Variants in SNX29 observed in about 807,000 individuals in gnomAD.
The protein encoded by SNX29 is sorting nexin-29.
In SNX29, 78 loss-of-function variants were observed where a neutral mutation model predicts 102.1. That is an observed-to-expected ratio of 0.76 (90% CI 0.64 to 0.92). The LOEUF (loss-of-function observed/expected upper bound fraction) is 0.92. SNX29 is among the 40% of genes least tolerant of loss of function. The pLI is 0.00. For synonymous variants in SNX29, 580 were observed against 414.5 expected (o/e 1.40, Z -4.85); for missense variants, 1,280 against 1,061.7 (o/e 1.21, Z -2.86).
At chr16:12,513,871 G>A (rs1452485350) in intron 19 of SNX29, among the ~76,000 whole-genome samples, 3 of 152,262 alleles carry the variant, frequency 2.0e-5, no homozygotes, top group African/African-American at 2.4e-5. Flanking sequence ...GTTGCTCTCA[G>A]ATGTCTCTGT....
intron 11 of SNX29, among the ~76,000 whole-genome samples, chr16:12,084,631 TG>T (rs1272375237): frequency 6.6e-6 from 1 of 152,180 alleles, no homozygotes; most frequent in African/African-American, 2.4e-5. Context: ...CTCAGCTGCC[TG>T]GGCTCAGGTT....
At chr16:12,333,128 C>T (rs1379542574) in intron 15 of SNX29, among the ~76,000 whole-genome samples, 4 of 75,210 alleles carry the variant, frequency 5.3e-5, no homozygotes, top group African/African-American at 1.9e-4. Flanking sequence ...TTTTTTGAGG[C>T]AGAGTCTTGT....
chr16:12,039,922 C>CTATTGCAGT (rs1443398787), intron 4 of SNX29, among the ~76,000 whole-genome samples: 5 of 152,252 alleles, frequency 3.3e-5, no homozygotes, highest in African/African-American at 1.2e-4. Flanking sequence ...GTGTTTACTG[C>CTATTGCAGT]AATAGCTGGT....
At chr16:12,057,204 A>C (rs1398265608) in intron 8 of SNX29, among the ~76,000 whole-genome samples, 3 of 152,222 alleles carry the variant, frequency 2.0e-5, no homozygotes, top group Non-Finnish European at 4.4e-5. Context: ...CTACAAACAT[A>C]TGCTGTGTCT....
At position 12,574,180 on chromosome 16, in the gene SNX29, A is replaced by G. The variant is rs778758522; in HGVS notation, c.*5551A>G. On this transcript the variant is annotated 3_prime_UTR_variant, in exon 21 of 21. Coordinates refer to ENST00000566228, the MANE Select transcript of SNX29 (RefSeq NM_032167.5). ...TTAATTTTTTAAGATCTCTTGTATT[A>G]AAATTTTCTTTTGGAATAAGCTGTG... The G allele has an allele frequency of 3.2e-4, 57 of 179,580 alleles. No homozygotes were observed. The highest frequency in any genetic ancestry group is 2.1e-3 in the Middle Eastern group (1 of 466). The allele number at this position is 179,580 out of a possible 1,614,324, so 11.1% of individuals were successfully genotyped here.
intron 15 of SNX29, among the ~76,000 whole-genome samples, chr16:12,290,254 A>G (rs1242874262): frequency 6.6e-6 from 1 of 152,104 alleles, no homozygotes; most frequent in East Asian, 1.9e-4. Flanking sequence ...TGCTCTGAGC[A>G]TGTTTTCCTT....
In SNX29 at chr16:12,357,628, C is replaced by T. The variant is rs535548398; in HGVS notation, c.1899+1349C>T. 2.6e-5 allele frequency among the ~76,000 whole-genome samples: 4 copies of T among 152,284 alleles called. No individual in the cohort carries two copies. The East Asian group carries it at 5.8e-4, about 22-fold the overall frequency. ...CGTTCACACATTTTGAGGCCATCGC[C>T]ACCACCCCTCTCCAGAACTTTTCCA... On this transcript the variant is annotated intron_variant, in intron 16 of 20. Transcript: ENST00000566228.
intron 18 of SNX29, among the ~76,000 whole-genome samples, chr16:12,447,699 T>A (rs2086124537): frequency 6.6e-6 from 1 of 152,192 alleles, no homozygotes; most frequent in Admixed American, 6.5e-5. Flanking sequence ...GAGATGCAGG[T>A]TAACAGATAA....
At chr16:12,165,821 C>A (rs1253967816) in intron 13 of SNX29, among the ~76,000 whole-genome samples, 1 of 152,248 alleles carries the variant, frequency 6.6e-6, no homozygotes, top group East Asian at 1.9e-4. Context: ...GCCTCGGCCT[C>A]CCAAAGTGTT....
intron 17 of SNX29, among the ~76,000 whole-genome samples, chr16:12,403,191 A>ATTGTGTGTGT: frequency 7.5e-6 from 1 of 133,952 alleles, no homozygotes; most frequent in East Asian, 2.3e-4. Context: ...CGGAGTACAG[A>ATTGTGTGTGT]TTGTGTGTGT....
At chr16:12,384,487 A>G (rs2083281292) in intron 16 of SNX29, among the ~76,000 whole-genome samples, 4 of 152,222 alleles carry the variant, frequency 2.6e-5, no homozygotes, top group Admixed American at 2.6e-4. Context: ...GCACCTTTTC[A>G]TAGACCTGTT....
At chr16:12,428,051 A>G (rs574743475) in intron 18 of SNX29, among the ~76,000 whole-genome samples, 1 of 152,358 alleles carries the variant, frequency 6.6e-6, no homozygotes, top group African/African-American at 2.4e-5. Flanking sequence ...TGTGAATGTA[A>G]GAGTAGGCCT....
intron 15 of SNX29, among the ~76,000 whole-genome samples, chr16:12,338,836 T>C (rs1002267591): frequency 6.6e-6 from 1 of 152,138 alleles, no homozygotes; most frequent in African/African-American, 2.4e-5. Context: ...GGAATATTTA[T>C]TGATTGAAAG....
intron 13 of SNX29, among the ~76,000 whole-genome samples, chr16:12,188,581 G>A (rs946225980): frequency 1.3e-5 from 2 of 152,172 alleles, no homozygotes; most frequent in East Asian, 1.9e-4. Flanking sequence ...CTTGAGTGAC[G>A]AGTTGTTTGG....
At position 12,018,341 on chromosome 16, in the gene SNX29, GC is replaced by G. The variant is rs577869869; in HGVS notation, c.123-8977del. ...ACCTGTAGTCCTAGCACTTTGGGAG[GC>G]CAAGGCAGGTGGATCACGAGGTCAG... On this transcript the variant is annotated intron_variant, in intron 3 of 20. Coordinates refer to ENST00000566228, the MANE Select transcript of SNX29 (RefSeq NM_032167.5). 1.8e-4 allele frequency among the ~76,000 whole-genome samples: 27 copies of G among 151,962 alleles called. No homozygotes were observed. The South Asian group carries it at 5.4e-3, about 30-fold the overall frequency.
At chr16:12,449,240 GGAGAA>G (rs960083186) in intron 18 of SNX29, among the ~76,000 whole-genome samples, 24 of 151,954 alleles carry the variant, frequency 1.6e-4, no homozygotes, top group African/African-American at 5.8e-4. Flanking sequence ...ATTGAGGAGA[GGAGAA>G]GAGACCAGGG....
In SNX29 at chr16:12,571,983, C is replaced by T. The variant is rs2079197467; in HGVS notation, c.*3354C>T. The T allele has an allele frequency of 9.4e-7, 1 of 1,062,134 alleles. No individual in the cohort carries two copies. Among genetic ancestry groups the T allele is most frequent in the African/African-American group, 1.6e-5 (1 of 61,020 alleles). 65.8% of individuals were successfully genotyped at this position (1,062,134 alleles called of 1,614,324 possible). A position where few individuals can be genotyped will look rare whatever the true frequency, so the allele number is the denominator to read the frequency against. On this transcript the variant is annotated 3_prime_UTR_variant, in exon 21 of 21. Transcript: ENST00000566228. Reference sequence around the variant, plus strand: ...CAGTCTATGGTGGTAGCCATCTTCACATCCAGTCACCAGTTGCATCTAGGG... The same window carrying T: ...CAGTCTATGGTGGTAGCCATCTTCATATCCAGTCACCAGTTGCATCTAGGG...
Position 12,569,288 on chromosome 16 carries a change from T to TCC in SNX29, c.*663_*664dup, listed in dbSNP as rs1008675989. The stretch of plus-strand genomic sequence containing the variant: ...TTGAGTTCAGAGAACTTCCCCTACC[T>TCC]CCCCCATGGCTGGCTTCAGGAAGGA... On this transcript the variant is annotated 3_prime_UTR_variant, in exon 21 of 21. Transcript: ENST00000566228. 3 of 228,076 alleles carry TCC rather than the reference T, an allele frequency of 1.3e-5. No homozygotes were observed. Among genetic ancestry groups the TCC allele is most frequent in the East Asian group, 6.3e-5 (1 of 15,952 alleles). The allele number at this position is 228,076 out of a possible 1,614,324, so 14.1% of individuals were successfully genotyped here.
chr16:12,074,968 G>T lies in SNX29; in HGVS notation c.1320-3865G>T, dbSNP rs535764165. On this transcript the variant is annotated intron_variant, in intron 10 of 20. Coordinates refer to ENST00000566228, the MANE Select transcript of SNX29 (RefSeq NM_032167.5). ...CCAGTTGATCGCATCGGCTCCTGAG[G>T]CTTCTGCATTCTTCACCTAGTTGTC... Among the ~76,000 whole-genome samples the T allele has an allele frequency of 2.2e-3, 338 of 152,260 alleles. 1 individual carries two copies. Among genetic ancestry groups the T allele is most frequent in the African/African-American group, 7.8e-3 (322 of 41,528 alleles).
Sources: gnomAD v4.1 joint callset for allele counts (sites outside exome capture counted in the v4.1 genomes callset) on GRCh38, gnomAD v4.1.1 for gene constraint, MANE v1.5 for transcripts, NCBI Gene and HGNC (gene_info 2026-07-23, HGNC 2026-07-21) for gene names.